The following IQCB1 variants were observed in gnomAD, a reference collection of about 807,000 sequenced individuals.
The protein encoded by IQCB1 is IQ calmodulin-binding motif-containing protein 1.
In IQCB1, 56 loss-of-function variants were observed where a neutral mutation model predicts 84.4. The observed-to-expected ratio is 0.66, with a 90% CI of 0.54 to 0.83. The LOEUF (loss-of-function observed/expected upper bound fraction) is 0.83, where lower values mean the gene tolerates loss of function less well. Ranked by LOEUF, IQCB1 falls within the 40% of genes least tolerant of loss-of-function variation. The probability of loss-of-function intolerance (pLI) is 0.00; values close to 1 mark genes in which losing one functional copy is unlikely to be tolerated. For missense variants in IQCB1, 629 were observed against 682.1 expected (o/e 0.92, Z 0.87); for synonymous variants, 210 against 234.8 (o/e 0.89, Z 0.96).
chr3:121,792,050 C>A (rs1003083456), intron 10 of IQCB1, among the ~76,000 whole-genome samples: 4 of 152,132 alleles, frequency 2.6e-5, no homozygotes, highest in African/African-American at 9.7e-5. Flanking sequence ...CGTGCCACTG[C>A]ACTCTAGCCT....
intron 2 of IQCB1, among the ~76,000 whole-genome samples, chr3:121,831,634 T>C (rs546329782): frequency 6.6e-6 from 1 of 152,244 alleles, no homozygotes; most frequent in African/African-American, 2.4e-5. Flanking sequence ...CAGAATTGAA[T>C]TAGATGATAC....
At chr3:121,810,137 A>G (rs1576591509) in intron 5 of IQCB1, among the ~76,000 whole-genome samples, 1 of 152,230 alleles carries the variant, frequency 6.6e-6, no homozygotes. Context: ...TGCACATTAG[A>G]TAATGTCACC....
intron 5 of IQCB1, among the ~76,000 whole-genome samples, chr3:121,821,912 T>C (rs1360204936): frequency 6.6e-6 from 1 of 152,194 alleles, no homozygotes; most frequent in Non-Finnish European, 1.5e-5. Flanking sequence ...TTAGTCTGAG[T>C]AAAGCAGATT....
At chr3:121,789,816 T>C (rs1265663429) in intron 11 of IQCB1, among the ~76,000 whole-genome samples, 5 of 152,218 alleles carry the variant, frequency 3.3e-5, no homozygotes, top group African/African-American at 1.2e-4. Flanking sequence ...ATGCATACAT[T>C]TTTATGTTTC....
Position 121,828,646 on chromosome 3 carries a change from A to C in IQCB1, c.101-14T>G, listed in dbSNP as rs200820580. 1 of 1,565,602 alleles carries C rather than the reference A, an allele frequency of 6.4e-7. No homozygotes were observed. Among genetic ancestry groups the C allele is most frequent in the Non-Finnish European group, 8.8e-7 (1 of 1,137,544 alleles). On this transcript the variant is annotated splice_polypyrimidine_tract_variant and intron_variant, in intron 3 of 14. Transcript: ENST00000310864. ...TGTTTATTATTTCTAAGGCAAAAGG[A>C]AATAAGATATATTTATTTTTGCTTA...
Position 121,828,680 on chromosome 3 carries a change from A to G in IQCB1, c.101-48T>C, listed in dbSNP as rs1920320. ...ATATTTATTTTTGCTTAATACATCCAGGAGCTATTTGTATTTTTATATGTT... is the reference window on the plus strand; with the variant it reads ...ATATTTATTTTTGCTTAATACATCCGGGAGCTATTTGTATTTTTATATGTT... On this transcript the variant is annotated intron_variant, in intron 3 of 14. Coordinates refer to ENST00000310864, the MANE Select transcript of IQCB1 (RefSeq NM_001023570.4). The G allele has an allele frequency of 0.26, 342,945 of 1,325,464 alleles. 47,486 individuals are homozygous for G. Among genetic ancestry groups the G allele is most frequent in the Non-Finnish European group, 0.29 (268,042 of 930,004 alleles). The allele number at this position is 1,325,464 out of a possible 1,614,324, so 82.1% of individuals were successfully genotyped here. A position where few individuals can be genotyped will look rare whatever the true frequency, so the allele number is the denominator to read the frequency against.
intron 10 of IQCB1, among the ~76,000 whole-genome samples, chr3:121,793,470 A>G (rs777492625): frequency 5.3e-5 from 8 of 152,230 alleles, no homozygotes; most frequent in Admixed American, 4.6e-4. Context: ...CCTGAGCACA[A>G]AAAGACAGAA....
chr3:121,784,389 A>G (rs1171390677), intron 12 of IQCB1, among the ~76,000 whole-genome samples: 3 of 151,436 alleles, frequency 2.0e-5, no homozygotes, highest in African/African-American at 7.3e-5. Context: ...TTTCCCCCAC[A>G]GTCCTTTTAT....
At position 121,781,843 on chromosome 3, in the gene IQCB1, T is replaced by C. The variant is rs1948510152; in HGVS notation, c.1310A>G (p.Lys437Arg). Residue 437 changes from lysine (K) to arginine (R), a missense_variant, in exon 13 of 15, where the codon AAA (lysine) becomes AGA (arginine). Physicochemically the swap from Lys to Arg is conservative, Grantham distance 26 (BLOSUM62 2). Coordinates refer to ENST00000310864, the MANE Select transcript of IQCB1 (RefSeq NM_001023570.4). ...TCGCCAAGGAGCAAATAGTTTCTTTTTCTTACGGCACTTCGCTAGGAATTT... is the reference window on the plus strand; with the variant it reads ...TCGCCAAGGAGCAAATAGTTTCTTTCTCTTACGGCACTTCGCTAGGAATTT... ...ALKFLAKCRK[K>R]KKLFAPWRGL... The C allele has an allele frequency of 6.2e-7, 1 of 1,613,804 alleles. No homozygotes were observed. The highest frequency in any genetic ancestry group is 1.7e-5 in the Admixed American group (1 of 60,006).
rs1950540039 is a variant in IQCB1, at chr3:121,828,852, T to C, written c.100+9A>G. 4.0e-6 allele frequency: 6 copies of C among 1,508,480 alleles called. No individual in the cohort carries two copies. In the East Asian group the frequency reaches 1.1e-4, roughly 28 times the overall value. 93.4% of individuals were successfully genotyped at this position (1,508,480 alleles called of 1,614,324 possible). Reference sequence around the variant, plus strand: ...AAAATGCTATCTAATCACAAAAAGATTTTCTTACCTTTTAACTTCAACAGT... The same window carrying C: ...AAAATGCTATCTAATCACAAAAAGACTTTCTTACCTTTTAACTTCAACAGT... On this transcript the variant is annotated intron_variant, in intron 3 of 14. Transcript: ENST00000310864.
chr3:121,828,807 G>T, intron 3 of IQCB1, 54 bp downstream of exon 3: 1 of 1,174,010 alleles, frequency 8.5e-7, no homozygotes, highest in Non-Finnish European at 1.3e-6. Context: ...TTGTACCAAC[G>T]ATGGAACCAT....
chr3:121,795,414 G>T, intron 10 of IQCB1, 43 bp downstream of exon 10: 1 of 984,922 alleles, frequency 1.0e-6, no homozygotes. Context: ...CTGTACTCTA[G>T]TAAGATTCTA....
At chr3:121,787,756 A>C (rs912051421) in intron 12 of IQCB1, among the ~76,000 whole-genome samples, 2 of 152,160 alleles carry the variant, frequency 1.3e-5, no homozygotes, top group African/African-American at 2.4e-5. Flanking sequence ...TCTCAAAAAA[A>C]AAAAAAAAAT....
At chr3:121,805,750 TA>T (rs2108587231) in intron 7 of IQCB1, among the ~76,000 whole-genome samples, 1 of 152,284 alleles carries the variant, frequency 6.6e-6, no homozygotes, top group East Asian at 1.9e-4. Flanking sequence ...CCTTTTGGAT[TA>T]TTGTTTTCCC....
In IQCB1 at chr3:121,797,204, G is replaced by C; in HGVS notation, c.790C>G (p.Gln264Glu). The C allele has an allele frequency of 1.2e-6, 2 of 1,601,668 alleles. No individual in the cohort carries two copies. Among genetic ancestry groups the C allele is most frequent in the Non-Finnish European group, 1.7e-6 (2 of 1,170,290 alleles). The change falls in exon 9 of 15, where the codon CAG becomes GAG. Residue 264 changes from glutamine to glutamate, a missense_variant. Coordinates refer to ENST00000310864, the MANE Select transcript of IQCB1 (RefSeq NM_001023570.4). The part of the protein sequence containing the change: ...YKGLRRLLSK[Q>E]ETGTEFSQEL... ...TGACTGAATTCAGTCCCAGTTTCCT[G>C]TTTACTTAGTAGACGTCTGAGTCCT... is the stretch of plus-strand genomic sequence containing the variant.
At position 121,808,903 on chromosome 3, in the gene IQCB1, T is replaced by C; in HGVS notation, c.487+13A>G. 6.6e-7 allele frequency: 1 copy of C among 1,521,912 alleles called. No individual in the cohort carries two copies. 94.3% of individuals were successfully genotyped at this position (1,521,912 alleles called of 1,614,324 possible). A position where few individuals can be genotyped will look rare whatever the true frequency, so the allele number is the denominator to read the frequency against. The stretch of plus-strand genomic sequence containing the variant: ...ACAATAGCTATTAGTTACATTAAAA[T>C]CTTTTCTCTTACCATTCTGAATAAG... On this transcript the variant is annotated intron_variant, in intron 6 of 14. Coordinates refer to ENST00000310864, the MANE Select transcript of IQCB1 (RefSeq NM_001023570.4).
chr3:121,804,021 G>A (rs1177688739), intron 7 of IQCB1, among the ~76,000 whole-genome samples: 3 of 151,120 alleles, frequency 2.0e-5, no homozygotes, highest in East Asian at 1.9e-4. Context: ...TCTGGATTGC[G>A]TATTTTTTAA....
chr3:121,783,710 C>A (rs1418457747), intron 12 of IQCB1, among the ~76,000 whole-genome samples: 2 of 152,060 alleles, frequency 1.3e-5, no homozygotes, highest in Non-Finnish European at 2.9e-5. Flanking sequence ...GCTCTCTATA[C>A]CTTGGGCATA....
chr3:121,787,481 G>A (rs1324580555), intron 12 of IQCB1, among the ~76,000 whole-genome samples: 2 of 152,272 alleles, frequency 1.3e-5, no homozygotes, highest in East Asian at 1.9e-4. Context: ...GGCCGGGAGC[G>A]GTGGCTCACG....
Sources: allele counts gnomAD v4.1 joint callset (sites outside exome capture counted in the v4.1 genomes callset), GRCh38; gene constraint gnomAD v4.1.1; transcripts MANE v1.5; gene names NCBI Gene and HGNC (gene_info 2026-07-23, HGNC 2026-07-21).